Variants in BBS9 observed in about 807,000 individuals in gnomAD.
The protein encoded by BBS9 is protein PTHB1.
Under a neutral mutation model 117.7 loss-of-function variants are expected in BBS9, and 89 were observed. That is an observed-to-expected ratio of 0.76 (90% CI 0.64 to 0.90). BBS9 has a LOEUF of 0.90. Among genes scored for constraint, BBS9 ranks in the 40% least tolerant of loss-of-function variants. BBS9 has a pLI of 0.00. For synonymous variants in BBS9, 379 were observed against 370.9 expected, an observed-to-expected ratio of 1.02 and a Z score of -0.25; for missense variants, 982 against 1,042.2, an observed-to-expected ratio of 0.94 and a Z score of 0.80.
rs554677984 is a variant in BBS9 at position 33,403,134 on chromosome 7, G to A, written c.2115+14990G>A. Reference sequence around the variant, plus strand: ...TATTTTAGATTCAGGGAGTAGATGTGCAGATTTGTTACATGGGTATATTGA... The same window carrying A: ...TATTTTAGATTCAGGGAGTAGATGTACAGATTTGTTACATGGGTATATTGA... On this transcript the variant is annotated intron_variant, in intron 19 of 22. Transcript: ENST00000242067. 2.0e-4 allele frequency among the ~76,000 whole-genome samples: 31 copies of A among 151,870 alleles called. No homozygotes were observed. The South Asian group carries it at 6.5e-3, about 32-fold the overall frequency.
At chr7:33,501,578 C>A (rs1337881539) in intron 19 of BBS9, among the ~76,000 whole-genome samples, 2 of 152,196 alleles carry the variant, frequency 1.3e-5, no homozygotes, top group African/African-American at 4.8e-5. Flanking sequence ...ACTGAGAAGT[C>A]ATTCTTCCAT....
intron 19 of BBS9, among the ~76,000 whole-genome samples, chr7:33,422,425 G>A (rs974628674): frequency 3.9e-5 from 6 of 152,080 alleles, no homozygotes; most frequent in Non-Finnish European, 8.8e-5. Flanking sequence ...CTAACTTCTA[G>A]CCCATTTTTA....
chr7:33,301,523 G>C (rs559438207), intron 9 of BBS9, among the ~76,000 whole-genome samples: 216 of 152,118 alleles, frequency 1.4e-3, no homozygotes, highest in Non-Finnish European at 2.5e-3. Flanking sequence ...TGCAAACTTT[G>C]TCTTTCTGTG....
chr7:33,360,308 A>G (rs1820385185), intron 16 of BBS9, among the ~76,000 whole-genome samples: 1 of 152,256 alleles, frequency 6.6e-6, no homozygotes, highest in East Asian at 1.9e-4. Context: ...CTTCTGAAAT[A>G]TAGTGTGAAA....
At chr7:33,142,173 G>A (rs937459424) in intron 1 of BBS9, among the ~76,000 whole-genome samples, 3 of 152,114 alleles carry the variant, frequency 2.0e-5, no homozygotes, top group Middle Eastern at 3.4e-3. Context: ...CGCCCGCCTC[G>A]GCCTCCCAAA....
At chr7:33,144,037 A>G (rs561784591) in intron 1 of BBS9, among the ~76,000 whole-genome samples, 3 of 152,264 alleles carry the variant, frequency 2.0e-5, no homozygotes, top group African/African-American at 7.2e-5. Context: ...TCTGTAGGAA[A>G]CTGCATTCTT....
chr7:33,298,481 C>A (rs907415566), intron 9 of BBS9, among the ~76,000 whole-genome samples: 1 of 151,934 alleles, frequency 6.6e-6, no homozygotes, highest in Admixed American at 6.6e-5. Context: ...ACCAATATGC[C>A]CACTTTTAAC....
intron 9 of BBS9, among the ~76,000 whole-genome samples, chr7:33,310,671 C>T (rs1809016021): frequency 6.6e-6 from 1 of 152,144 alleles, no homozygotes; most frequent in African/African-American, 2.4e-5. Context: ...TTGGCAATGC[C>T]TGGGGACATT....
intron 21 of BBS9, among the ~76,000 whole-genome samples, chr7:33,546,184 C>T (rs756245386): frequency 3.8e-4 from 58 of 152,026 alleles, no homozygotes; most frequent in Non-Finnish European, 4.6e-4. Context: ...CCGCCCACCT[C>T]GGCCTCCCAA....
intron 5 of BBS9, among the ~76,000 whole-genome samples, chr7:33,252,688 A>C (rs1796399803): frequency 6.6e-6 from 1 of 151,986 alleles, no homozygotes. Context: ...TTCTGCTTGC[A>C]AGTACACATG....
At chr7:33,494,308 C>T (rs909980241) in intron 19 of BBS9, among the ~76,000 whole-genome samples, 12 of 152,122 alleles carry the variant, frequency 7.9e-5, no homozygotes, top group South Asian at 2.1e-4. Context: ...CCCCAAATGT[C>T]ATTAACGAGG....
chr7:33,418,603 G>T (rs189770086), intron 19 of BBS9, among the ~76,000 whole-genome samples: 1 of 152,300 alleles, frequency 6.6e-6, no homozygotes, highest in East Asian at 1.9e-4. Context: ...AGATTGAATT[G>T]CAGGCTCCCT....
intron 21 of BBS9, among the ~76,000 whole-genome samples, chr7:33,559,029 G>A (rs1041429162): frequency 6.6e-6 from 1 of 152,142 alleles, no homozygotes; most frequent in Non-Finnish European, 1.5e-5. Context: ...GCAGACTTAC[G>A]ACTAGCTTCT....
chr7:33,554,388 T>A (rs1305611732), intron 21 of BBS9, among the ~76,000 whole-genome samples: 4 of 151,998 alleles, frequency 2.6e-5, no homozygotes, highest in Non-Finnish European at 5.9e-5. Context: ...AGAGATGAGG[T>A]TGACTGGGGT....
intron 19 of BBS9, among the ~76,000 whole-genome samples, chr7:33,472,552 T>C (rs1399496875): frequency 1.3e-5 from 2 of 152,136 alleles, no homozygotes; most frequent in Admixed American, 6.5e-5. Context: ...GTAGATAACA[T>C]GGAGGTTAGG....
chr7:33,176,306 T>C (rs1313860711), intron 4 of BBS9, among the ~76,000 whole-genome samples: 1 of 152,148 alleles, frequency 6.6e-6, no homozygotes, highest in Non-Finnish European at 1.5e-5. Flanking sequence ...GACAGTAAAA[T>C]CTTTACTGGG....
In BBS9 at chr7:33,171,738, T is replaced by A. The variant is rs151032546; in HGVS notation, c.329-5740T>A. On this transcript the variant is annotated intron_variant, in intron 4 of 22. Transcript: ENST00000242067. ...ATGTTTCAATATTTTAACTTATAAA[T>A]GACTCAGACATTTTATGATTATTAT... 2.8e-3 allele frequency among the ~76,000 whole-genome samples: 425 copies of A among 152,268 alleles called. 1 individual carries two copies. Among genetic ancestry groups the A allele is most frequent in the African/African-American group, 1.0e-2 (415 of 41,560 alleles).
rs148922381 is a variant in BBS9, at chr7:33,533,578, A to G, written c.2299-376A>G. ...TAAGAAAGATAAGGCAAAACAAACTATAATCCTAGCAGCTTTACCCACCAG... is the reference window on the plus strand; with the variant it reads ...TAAGAAAGATAAGGCAAAACAAACTGTAATCCTAGCAGCTTTACCCACCAG... On this transcript the variant is annotated intron_variant, in intron 20 of 22. Transcript: ENST00000242067. The G allele has an allele frequency of 8.4e-5, 20 of 237,918 alleles. No homozygotes were observed. The East Asian group carries it at 1.7e-3, about 21-fold the overall frequency. 14.7% of individuals were successfully genotyped at this position (237,918 alleles called of 1,614,324 possible).
intron 21 of BBS9, among the ~76,000 whole-genome samples, chr7:33,596,755 T>C (rs1862882854): frequency 6.6e-6 from 1 of 152,162 alleles, no homozygotes; most frequent in African/African-American, 2.4e-5. Context: ...TAGAAGTGCA[T>C]ACACAGAAAG....
Sources: gnomAD v4.1 joint callset for allele counts (sites outside exome capture counted in the v4.1 genomes callset) on GRCh38, gnomAD v4.1.1 for gene constraint, MANE v1.5 for transcripts, NCBI Gene and HGNC (gene_info 2026-07-23, HGNC 2026-07-21) for gene names.